ANTXR1: variants seen among roughly 807,000 people sequenced by gnomAD.
ANTXR1 encodes ANTXR cell adhesion molecule 1, also known as anthrax toxin receptor 1.
Under a neutral mutation model 78.1 loss-of-function variants are expected in ANTXR1, and 19 were observed. The observed-to-expected ratio is 0.24, with a 90% CI of 0.17 to 0.36. The LOEUF is 0.36. Among genes scored for constraint, ANTXR1 ranks in the 10% least tolerant of loss-of-function variants. ANTXR1 has a pLI of 1.00. For missense variants in ANTXR1, 518 were observed against 718.6 expected, an observed-to-expected ratio of 0.72 and a Z score of 3.19; for synonymous variants, 273 against 260.5, an observed-to-expected ratio of 1.05 and a Z score of -0.46.
chr2:69,033,011 T>C (rs1227583756), intron 1 of ANTXR1, among the ~76,000 whole-genome samples: 3 of 152,208 alleles, frequency 2.0e-5, no homozygotes, highest in Non-Finnish European at 4.4e-5. Flanking sequence ...TCCCATGACA[T>C]TGCTTTCCCA....
intron 12 of ANTXR1, among the ~76,000 whole-genome samples, chr2:69,134,388 T>C (rs1049801341): frequency 6.6e-6 from 1 of 152,148 alleles, no homozygotes; most frequent in Non-Finnish European, 1.5e-5. Context: ...AGGGGTAGAA[T>C]AGGCTCAAAG....
chr2:69,071,143 T>C (rs1335082495), intron 4 of ANTXR1, among the ~76,000 whole-genome samples: 2 of 151,936 alleles, frequency 1.3e-5, no homozygotes, highest in African/African-American at 4.8e-5. Context: ...ACTTAACAAG[T>C]ACTAGGCCAT....
intron 1 of ANTXR1, among the ~76,000 whole-genome samples, chr2:69,031,854 C>T (rs1255266984): frequency 6.6e-6 from 1 of 152,198 alleles, no homozygotes; most frequent in Non-Finnish European, 1.5e-5. Flanking sequence ...ACTTTTTCCC[C>T]TTTTCTGCAT....
At chr2:69,141,906 C>T (rs1673079602) in intron 12 of ANTXR1, among the ~76,000 whole-genome samples, 1 of 152,172 alleles carries the variant, frequency 6.6e-6, no homozygotes, top group African/African-American at 2.4e-5. Context: ...CAAATAGATG[C>T]TGGGTTATGA....
chr2:69,076,916 A>C (rs1260289312), intron 7 of ANTXR1, among the ~76,000 whole-genome samples: 1 of 152,216 alleles, frequency 6.6e-6, no homozygotes, highest in East Asian at 1.9e-4. Flanking sequence ...GGAGCAGCCA[A>C]ACCAACTGCA....
chr2:69,120,134 C>T (rs1261109636), intron 10 of ANTXR1, among the ~76,000 whole-genome samples: 1 of 152,164 alleles, frequency 6.6e-6, no homozygotes, highest in Non-Finnish European at 1.5e-5. Flanking sequence ...CTGACATTAC[C>T]CTATGGTTGG....
chr2:69,213,954 G>A (rs895190071), intron 17 of ANTXR1, among the ~76,000 whole-genome samples: 3 of 152,270 alleles, frequency 2.0e-5, no homozygotes, highest in African/African-American at 7.2e-5. Context: ...TGGGGCATGG[G>A]AGGGGGTCAG....
Position 69,146,181 on chromosome 2 carries a change from T to C in ANTXR1, c.952-5988T>C, listed in dbSNP as rs77687302. The C allele has an allele frequency of 1.6e-5, 16 of 985,374 alleles. No individual in the cohort carries two copies. The African/African-American group carries it at 2.6e-4, about 16-fold the overall frequency. 61.0% of individuals were successfully genotyped at this position (985,374 alleles called of 1,614,324 possible). A position where few individuals can be genotyped will look rare whatever the true frequency, so the allele number is the denominator to read the frequency against. The stretch of plus-strand genomic sequence containing the variant: ...TTAATAGCGGGCCTCTGTGTGAGCA[T>C]TTGACAAGACTTAAAACTATTCATT... On this transcript the variant is annotated intron_variant, in intron 12 of 17. Transcript: ENST00000303714.
intron 3 of ANTXR1, among the ~76,000 whole-genome samples, chr2:69,059,137 A>G (rs968676946): frequency 6.6e-6 from 1 of 152,254 alleles, no homozygotes; most frequent in Non-Finnish European, 1.5e-5. Flanking sequence ...CAAGGAACTT[A>G]GAATATTCCA....
chr2:69,168,440 A>G (rs1030211639), intron 13 of ANTXR1, among the ~76,000 whole-genome samples: 1 of 152,182 alleles, frequency 6.6e-6, no homozygotes, highest in Non-Finnish European at 1.5e-5. Flanking sequence ...GAATTCACAT[A>G]TAACATCTAT....
intron 17 of ANTXR1, among the ~76,000 whole-genome samples, chr2:69,243,990 A>C (rs752067501): frequency 9.9e-5 from 15 of 152,224 alleles, no homozygotes; most frequent in Admixed American, 6.5e-4. Flanking sequence ...CACCCAGGCA[A>C]GTGGCCAAGC....
intron 3 of ANTXR1, among the ~76,000 whole-genome samples, chr2:69,055,549 C>G (rs916599280): frequency 2.6e-5 from 4 of 151,954 alleles, no homozygotes; most frequent in Admixed American, 2.6e-4. Flanking sequence ...TCTGGAGTAC[C>G]CTTGTTAGTA....
intron 9 of ANTXR1, among the ~76,000 whole-genome samples, chr2:69,091,132 A>AG (rs1440444690): frequency 2.0e-5 from 3 of 151,948 alleles, no homozygotes; most frequent in Non-Finnish European, 4.4e-5. Flanking sequence ...AAAAAAAAAA[A>AG]AAAATCTGTC....
rs1180060765 is a variant in ANTXR1, at chr2:69,013,558, C to A, written c.59C>A (p.Thr20Asn). Residue 20 changes from threonine (T) to asparagine (N), a missense_variant, in exon 1 of 18, where the codon ACT becomes AAT. Transcript: ENST00000303714. The surrounding 1 kb of genome is among the most constrained non-coding windows in gnomAD (Gnocchi z 5.0). ...GGCTTCCAGTGGCTCTCTTTGGCCA[C>A]TCTGGTGCTCATCTGCGCCGGGCAA... ...GIGFQWLSLA[T>N]LVLICAGQGG... The A allele has an allele frequency of 1.3e-6, 2 of 1,578,528 alleles. No homozygotes were observed. The highest frequency in any genetic ancestry group is 1.9e-5 in the Admixed American group (1 of 52,744).
At chr2:69,117,577 G>C (rs536005184) in intron 10 of ANTXR1, among the ~76,000 whole-genome samples, 1 of 152,040 alleles carries the variant, frequency 6.6e-6, no homozygotes, top group Admixed American at 6.6e-5. Context: ...TGTTAATTTG[G>C]TAAAGTGATA....
At chr2:69,077,062 G>A (rs762082241) in intron 7 of ANTXR1, among the ~76,000 whole-genome samples, 1 of 152,226 alleles carries the variant, frequency 6.6e-6, no homozygotes, top group Non-Finnish European at 1.5e-5. Context: ...CAGGAATTTG[G>A]GTGAAGGGGA....
At chr2:69,061,489 A>C (rs994202875) in intron 3 of ANTXR1, among the ~76,000 whole-genome samples, 1 of 147,086 alleles carries the variant, frequency 6.8e-6, no homozygotes, top group Non-Finnish European at 1.5e-5. Context: ...CTTCAACAAC[A>C]ACAAAAAACA....
At chr2:69,120,396 T>C (rs776132478) in intron 10 of ANTXR1, among the ~76,000 whole-genome samples, 1 of 152,192 alleles carries the variant, frequency 6.6e-6, no homozygotes, top group Non-Finnish European at 1.5e-5. Context: ...CCGGGTGCGG[T>C]GGCTCACGCC....
chr2:69,089,134 C>A (rs1671145984), intron 8 of ANTXR1, among the ~76,000 whole-genome samples: 1 of 152,182 alleles, frequency 6.6e-6, no homozygotes, highest in East Asian at 1.9e-4. Flanking sequence ...ATAGGGGAAT[C>A]AAAGTATAAA....
Sources: allele counts gnomAD v4.1 joint callset (sites outside exome capture counted in the v4.1 genomes callset), GRCh38; gene constraint gnomAD v4.1.1; non-coding constraint Gnocchi (gnomAD v3.1); transcripts MANE v1.5; gene names NCBI Gene and HGNC (gene_info 2026-07-23, HGNC 2026-07-21).